The following SNTG1 variants were observed in gnomAD, a reference collection of about 807,000 sequenced individuals.
SNTG1 encodes gamma-1-syntrophin.
A neutral mutation model predicts 74.7 loss-of-function variants in SNTG1; 39 were observed. The observed-to-expected ratio is 0.52, with a 90% confidence interval of 0.40 to 0.68. SNTG1 has a LOEUF of 0.68. Among genes scored for constraint, SNTG1 ranks in the 30% least tolerant of loss-of-function variants. The probability of loss-of-function intolerance (pLI) is 0.00; values close to 1 mark genes in which losing one functional copy is unlikely to be tolerated. For synonymous variants in SNTG1, 254 were observed against 217.1 expected, an observed-to-expected ratio of 1.17 and a Z score of -1.49; for missense variants, 685 against 609.5, an observed-to-expected ratio of 1.12 and a Z score of -1.30.
At chr8:49,916,448 G>C (rs1218884840) in intron 1 of SNTG1, among the ~76,000 whole-genome samples, 1 of 151,940 alleles carries the variant, frequency 6.6e-6, no homozygotes, top group Non-Finnish European at 1.5e-5. Flanking sequence ...TTCAAAAAGA[G>C]TGTCATTAAA....
intron 15 of SNTG1, among the ~76,000 whole-genome samples, chr8:50,678,863 A>G (rs1365188732): frequency 6.6e-6 from 1 of 152,122 alleles, no homozygotes; most frequent in Admixed American, 6.6e-5. Context: ...TTGAGAGAGA[A>G]ATAATGCACT....
At chr8:49,927,115 C>A (rs927344888) in intron 1 of SNTG1, among the ~76,000 whole-genome samples, 2 of 152,180 alleles carry the variant, frequency 1.3e-5, no homozygotes, top group African/African-American at 2.4e-5. Flanking sequence ...AAAATGTTGA[C>A]AAGAATGTGG....
chr8:49,938,759 ATAAATT>A (rs1029144440), intron 1 of SNTG1, among the ~76,000 whole-genome samples: 10 of 150,348 alleles, frequency 6.7e-5, no homozygotes, highest in African/African-American at 2.5e-4. Flanking sequence ...CTATGAAAAT[ATAAATT>A]TAAACTAGAT....
At chr8:50,025,510 C>A (rs570900288) in intron 1 of SNTG1, among the ~76,000 whole-genome samples, 1 of 152,060 alleles carries the variant, frequency 6.6e-6, no homozygotes, top group Admixed American at 6.6e-5. Context: ...TAATTATACT[C>A]AGAGACATAT....
intron 13 of SNTG1, among the ~76,000 whole-genome samples, chr8:50,637,312 G>A (rs932478366): frequency 2.0e-5 from 3 of 152,140 alleles, no homozygotes; most frequent in South Asian, 2.1e-4. Context: ...TTTATATAGA[G>A]TAGGCTCTCT....
chr8:50,199,438 G>A (rs961917090), intron 2 of SNTG1, among the ~76,000 whole-genome samples: 24 of 151,954 alleles, frequency 1.6e-4, no homozygotes, highest in Admixed American at 7.2e-4. Flanking sequence ...GGCTGGTCTC[G>A]AACTCTTGAC....
intron 13 of SNTG1, among the ~76,000 whole-genome samples, chr8:50,626,985 T>G (rs2094960880): frequency 6.6e-6 from 1 of 152,202 alleles, no homozygotes; most frequent in African/African-American, 2.4e-5. Flanking sequence ...CAATCCCTAT[T>G]TATTTTTCAC....
chr8:50,623,178 T>C (rs2094934444), intron 13 of SNTG1, among the ~76,000 whole-genome samples: 1 of 152,116 alleles, frequency 6.6e-6, no homozygotes, highest in Non-Finnish European at 1.5e-5. Context: ...TTGTGATCAA[T>C]TGTTCTGACA....
At chr8:50,411,328 GT>G (rs1266805472) in intron 4 of SNTG1, among the ~76,000 whole-genome samples, 1 of 151,722 alleles carries the variant, frequency 6.6e-6, no homozygotes, top group Non-Finnish European at 1.5e-5. Context: ...GGCGCCTGTA[GT>G]GCCCGCTACT....
At chr8:49,911,101 TAAA>T (rs1805556020), upstream of SNTG1, 2 of 152,232 alleles carry the variant, frequency 1.3e-5, no homozygotes, top group Non-Finnish European at 2.9e-5. Flanking sequence ...CTCTGTCTTT[TAAA>T]ATTTTAACAA....
chr8:49,942,759 A>G (rs886941310), intron 1 of SNTG1, among the ~76,000 whole-genome samples: 2 of 152,208 alleles, frequency 1.3e-5, no homozygotes, highest in African/African-American at 4.8e-5. Context: ...GTGGAAGACC[A>G]CAGAGGTAAA....
intron 9 of SNTG1, among the ~76,000 whole-genome samples, chr8:50,514,846 G>T (rs1441462993): frequency 6.6e-6 from 1 of 152,054 alleles, no homozygotes; most frequent in African/African-American, 2.4e-5. Flanking sequence ...CTATTATTGT[G>T]TTGCTGTCTA....
intron 17 of SNTG1, among the ~76,000 whole-genome samples, chr8:50,746,285 T>C (rs921754314): frequency 2.0e-5 from 3 of 151,948 alleles, no homozygotes; most frequent in African/African-American, 7.2e-5. Context: ...ACTATAAAAC[T>C]GTGTTAAGAC....
intron 1 of SNTG1, among the ~76,000 whole-genome samples, chr8:50,144,830 G>T (rs1318271477): frequency 6.6e-6 from 1 of 152,188 alleles, no homozygotes; most frequent in Non-Finnish European, 1.5e-5. Flanking sequence ...AGTTGTAAAA[G>T]AAAGGGATCA....
chr8:50,694,807 T>C (rs2095397660), intron 15 of SNTG1, among the ~76,000 whole-genome samples: 1 of 151,834 alleles, frequency 6.6e-6, no homozygotes, highest in South Asian at 2.1e-4. Context: ...ATACGCCACA[T>C]TAATGAAATG....
At chr8:50,694,183 T>G (rs1479547021) in intron 15 of SNTG1, among the ~76,000 whole-genome samples, 1 of 150,924 alleles carries the variant, frequency 6.6e-6, no homozygotes, top group African/African-American at 2.4e-5. Context: ...ATGTATCATA[T>G]TCACAACCTT....
chr8:50,471,589 A>G (rs2093654876), intron 8 of SNTG1, among the ~76,000 whole-genome samples: 1 of 152,214 alleles, frequency 6.6e-6, no homozygotes, highest in South Asian at 2.1e-4. Flanking sequence ...ATCTTAGCAT[A>G]CAATGCCACA....
chr8:50,710,408 A>G (rs2095458317), intron 17 of SNTG1, among the ~76,000 whole-genome samples: 1 of 152,128 alleles, frequency 6.6e-6, no homozygotes, highest in African/African-American at 2.4e-5. Flanking sequence ...TAATTGAATT[A>G]TTAAATTATC....
intron 17 of SNTG1, among the ~76,000 whole-genome samples, chr8:50,730,007 G>A (rs899494332): frequency 2.6e-5 from 4 of 152,080 alleles, no homozygotes; most frequent in Non-Finnish European, 5.9e-5. Context: ...TTCACTACAC[G>A]GACTGCGATG....
Sources: gnomAD v4.1 joint callset for allele counts (sites outside exome capture counted in the v4.1 genomes callset) on GRCh38, gnomAD v4.1.1 for gene constraint, MANE v1.5 for transcripts, NCBI Gene and HGNC (gene_info 2026-07-23, HGNC 2026-07-21) for gene names.